The following SEH1L variants were observed in gnomAD, a reference collection of about 807,000 sequenced individuals.
SEH1L encodes the protein nucleoporin SEH1.
Under a neutral mutation model 49.5 loss-of-function variants are expected in SEH1L, and 18 were observed. The ratio of observed to expected loss-of-function variants is 0.36; its 90% CI spans 0.25 to 0.54. The LOEUF (loss-of-function observed/expected upper bound fraction) is 0.54. Among genes scored for constraint, SEH1L ranks in the 20% least tolerant of loss-of-function variants. The probability of loss-of-function intolerance (pLI) is 0.87; values close to 1 mark genes in which losing one functional copy is unlikely to be tolerated. For missense variants in SEH1L, 404 were observed against 528.8 expected (o/e 0.76, Z 2.31); for synonymous variants, 169 against 178.1 (o/e 0.95, Z 0.41).
At chr18:12,971,565 C>T (rs888659707) in intron 5 of SEH1L, 15 of 164,544 alleles carry the variant, frequency 9.1e-5, no homozygotes, top group South Asian at 1.3e-4. Context: ...ACCCAGGAGG[C>T]GGAGGTTGCA....
chr18:12,970,865 T>C (rs539884815), intron 4 of SEH1L, among the ~76,000 whole-genome samples: 10 of 152,328 alleles, frequency 6.6e-5, no homozygotes, highest in Admixed American at 3.3e-4. Flanking sequence ...TTTAAAAATA[T>C]GTTGAATGCT....
Position 12,963,215 on chromosome 18 carries a change from C to T in SEH1L, c.365C>T (p.Ala122Val). The T allele has an allele frequency of 6.2e-7, 1 of 1,614,004 alleles. No individual in the cohort carries two copies. The highest frequency in any genetic ancestry group is 2.2e-5 in the East Asian group (1 of 44,868). Residue 122 changes from alanine to valine, a missense_variant, in exon 4 of 9, where the codon GCT becomes GTT. Coordinates refer to ENST00000399892, the MANE Select transcript of SEH1L (RefSeq NM_001013437.2). ...ACATCTGTTACTGATGTGAAGTTTG[C>T]TCCCAAGCACATGGGTCTTATGTTA... ...SRTSVTDVKF[A>V]PKHMGLMLAT...
chr18:12,954,890 A>C (rs2030760443), intron 2 of SEH1L, among the ~76,000 whole-genome samples: 1 of 152,204 alleles, frequency 6.6e-6, no homozygotes, highest in Non-Finnish European at 1.5e-5. Flanking sequence ...AACCACCACC[A>C]CTTCTAATTT....
chr18:12,968,469 A>G (rs1314092194), intron 4 of SEH1L, among the ~76,000 whole-genome samples: 3 of 152,180 alleles, frequency 2.0e-5, no homozygotes, highest in South Asian at 4.1e-4. Flanking sequence ...TTGTCTCACT[A>G]AGACAATGTT....
At chr18:12,962,269 G>C (rs1420570233) in intron 3 of SEH1L, among the ~76,000 whole-genome samples, 1 of 151,600 alleles carries the variant, frequency 6.6e-6, no homozygotes, top group Non-Finnish European at 1.5e-5. Flanking sequence ...CATGGTGGCA[G>C]GTGCCTGTCA....
Position 12,963,169 on chromosome 18 carries a change from A to G in SEH1L, c.319A>G (p.Thr107Ala), listed in dbSNP as rs751464274. Residue 107 changes from threonine (T) to alanine (A), a missense_variant, in exon 4 of 9, where the codon ACA becomes GCA. This residue lies in a region of SEH1L where 342 missense variants were observed against 430.8 expected (regional missense o/e 0.79). Coordinates refer to ENST00000399892, the MANE Select transcript of SEH1L (RefSeq NM_001013437.2). ...ATTATTTTTTTTTTAGGTTAAAAGGACAACTCTGGTGGATAGCAGAACATC... is the reference window on the plus strand; with the variant it reads ...ATTATTTTTTTTTTAGGTTAAAAGGGCAACTCTGGTGGATAGCAGAACATC... ...LRGQSHWVKR[T>A]TLVDSRTSVT... The G allele has an allele frequency of 6.2e-7, 1 of 1,608,910 alleles. No homozygotes were observed. The highest frequency in any genetic ancestry group is 8.5e-7 in the Non-Finnish European group (1 of 1,177,206).
chr18:12,972,889 A>T (rs2031761225), intron 5 of SEH1L: 1 of 100,130 alleles, frequency 1.0e-5, no homozygotes, highest in African/African-American at 4.5e-5. Flanking sequence ...ATGAATATGT[A>T]GACATAAGCC....
intron 5 of SEH1L, chr18:12,975,590 T>A: frequency 2.4e-6 from 1 of 421,634 alleles, no homozygotes; most frequent in Non-Finnish European, 3.2e-6. Context: ...GGGAGGCTAA[T>A]GCAGGAGAGA....
chr18:12,985,722 G>C (rs1257049678), intron 8 of SEH1L: 1 of 951,174 alleles, frequency 1.1e-6, no homozygotes, highest in African/African-American at 1.8e-5. Context: ...TATAAAGATT[G>C]TTTTGAGTGC....
chr18:12,954,731 G>A (rs2030750464), intron 2 of SEH1L, among the ~76,000 whole-genome samples: 1 of 152,162 alleles, frequency 6.6e-6, no homozygotes, highest in Admixed American at 6.5e-5. Flanking sequence ...GCCCCCTAAA[G>A]GGCTGAGAAG....
At chr18:12,951,801 G>T in intron 1 of SEH1L, 54 bp from the exon 2 acceptor site, 2 of 1,066,652 alleles carry the variant, frequency 1.9e-6, no homozygotes, top group Admixed American at 4.1e-5. Context: ...TATAGTTTTT[G>T]TATCAATTTG....
intron 1 of SEH1L, among the ~76,000 whole-genome samples, chr18:12,949,441 C>CTTTT (rs1568206195): frequency 2.3e-5 from 2 of 85,436 alleles, no homozygotes; most frequent in African/African-American, 8.6e-5. Context: ...CTACGTTAAC[C>CTTTT]GTTTTTTTTT....
intron 2 of SEH1L, among the ~76,000 whole-genome samples, chr18:12,953,884 A>C (rs1243187567): frequency 6.6e-6 from 1 of 152,232 alleles, no homozygotes; most frequent in African/African-American, 2.4e-5. Flanking sequence ...CAATAAATAT[A>C]CCATTTTGCT....
rs138946615 is a variant in SEH1L at position 12,970,610 on chromosome 18, A to C, written c.522-543A>C. Among the ~76,000 whole-genome samples the C allele has an allele frequency of 9.4e-3, 1,432 of 152,126 alleles. 21 individuals carry two copies. Among genetic ancestry groups the C allele is most frequent in the African/African-American group, 0.032 (1,314 of 41,506 alleles). On this transcript the variant is annotated intron_variant, in intron 4 of 8. Transcript: ENST00000399892. ...AATTAAACAAATTTTTTTTTTGTAG[A>C]GATAGAGTCTTATTATGTGGCCCAG...
chr18:12,982,018 C>A (rs1174499637), intron 6 of SEH1L, among the ~76,000 whole-genome samples: 1 of 151,890 alleles, frequency 6.6e-6, no homozygotes, highest in African/African-American at 2.4e-5. Context: ...CGCCACCATG[C>A]CTGGCTAATT....
At chr18:12,967,877 G>A (rs1346736538) in intron 4 of SEH1L, among the ~76,000 whole-genome samples, 1 of 151,488 alleles carries the variant, frequency 6.6e-6, no homozygotes, top group East Asian at 1.9e-4. Context: ...TGATGCCACT[G>A]CACTCCAGCC....
chr18:12,983,967 G>A, intron 7 of SEH1L, 73 bp from the exon 8 acceptor site: 1 of 1,157,144 alleles, frequency 8.6e-7, no homozygotes, highest in Non-Finnish European at 1.2e-6. Context: ...GTAGTTTAAG[G>A]ACATGGGTAC....
At chr18:12,975,359 T>C (rs568825509) in intron 5 of SEH1L, among the ~76,000 whole-genome samples, 9 of 152,114 alleles carry the variant, frequency 5.9e-5, no homozygotes, top group Admixed American at 5.2e-4. Flanking sequence ...TTTCAACATT[T>C]CATAAGCAGC....
At chr18:12,981,666 T>TA (rs763329101) in intron 6 of SEH1L, among the ~76,000 whole-genome samples, 24 of 152,330 alleles carry the variant, frequency 1.6e-4, no homozygotes, top group Non-Finnish European at 2.9e-4. Flanking sequence ...AGGCTGAAAC[T>TA]AACAATTCTC....
Sources: gnomAD v4.1 joint callset for allele counts (sites outside exome capture counted in the v4.1 genomes callset) on GRCh38, gnomAD v4.1.1 for gene constraint, gnomAD v4.1.1 regional missense constraint, MANE v1.5 for transcripts, NCBI Gene and HGNC (gene_info 2026-07-23, HGNC 2026-07-21) for gene names.